Variants in XG observed in about 807,000 individuals in gnomAD.
The protein encoded by XG is glycoprotein Xg.
In XG, 24 loss-of-function variants were observed where a neutral mutation model predicts 25.7. The observed-to-expected ratio is 0.93, with a 90% CI of 0.68 to 1.31. The LOEUF (loss-of-function observed/expected upper bound fraction) is 1.31, where lower values mean the gene tolerates loss of function less well. Ranked by LOEUF, XG falls within the 40% of genes most tolerant of loss-of-function variation. The probability of loss-of-function intolerance (pLI) is 0.00; values close to 1 mark genes in which losing one functional copy is unlikely to be tolerated. For missense variants in XG, 181 were observed against 187.6 expected (o/e 0.96, Z 0.21); for synonymous variants, 77 against 69.2 (o/e 1.11, Z -0.56).
chrX:2,780,798 GGA>G (rs2051103869), intron 3 of XG, among the ~76,000 whole-genome samples: 1 of 152,120 alleles, frequency 6.6e-6, no homozygotes, highest in Non-Finnish European at 1.5e-5. Flanking sequence ...CTGGAAGCAG[GGA>G]GAGGGTTTTC....
intron 3 of XG, among the ~76,000 whole-genome samples, chrX:2,778,388 TAAAA>T (rs774706484): frequency 1.3e-5 from 2 of 151,500 alleles, no homozygotes; most frequent in Non-Finnish European, 2.9e-5. Context: ...ACAAAAAAAT[TAAAA>T]AAAATTAGTG....
At chrX:2,758,125 C>T (rs930420450) in intron 1 of XG, among the ~76,000 whole-genome samples, 1 of 151,978 alleles carries the variant, frequency 6.6e-6, no homozygotes, top group Non-Finnish European at 1.5e-5. Context: ...ATTCTGGTGC[C>T]CCCTCTCTCC....
intron 5 of XG, among the ~76,000 whole-genome samples, chrX:2,791,015 C>T (rs199617937): frequency 9.1e-6 from 1 of 110,291 alleles, no homozygotes; most frequent in Non-Finnish European, 1.9e-5. Flanking sequence ...ACCATGCACA[C>T]TAAGACATTT....
chrX:2,783,353 GA>G (rs2086750926), intron 4 of XG, among the ~76,000 whole-genome samples: 2 of 74,158 alleles, frequency 2.7e-5, no homozygotes, highest in South Asian at 2.5e-3. Context: ...GAAGAGTGGG[GA>G]GGGGGGTGGG....
chrX:2,769,480 C>G (rs887425680), intron 1 of XG, among the ~76,000 whole-genome samples: 21 of 152,222 alleles, frequency 1.4e-4, no homozygotes, highest in African/African-American at 4.8e-4. Flanking sequence ...AGATGAGACT[C>G]TTGGGTGCCT....
intron 1 of XG, among the ~76,000 whole-genome samples, chrX:2,766,227 A>G (rs1035210521): frequency 1.3e-5 from 2 of 151,734 alleles, no homozygotes; most frequent in African/African-American, 2.4e-5. Context: ...TGCAATCTCC[A>G]CCTCCCAGGT....
At chrX:2,809,445 T>C (rs1341977122) in intron 9 of XG, among the ~76,000 whole-genome samples, 3 of 111,793 alleles carry the variant, frequency 2.7e-5, no homozygotes, top group Non-Finnish European at 5.6e-5. Flanking sequence ...ACAGGCTGAA[T>C]TAAAGCCTGG....
At chrX:2,792,307 A>G (rs933591153) in intron 5 of XG, among the ~76,000 whole-genome samples, 1 of 110,663 alleles carries the variant, frequency 9.0e-6, no homozygotes, top group African/African-American at 3.3e-5. Context: ...CAGTAAAAAT[A>G]AAAAAGCTGT....
intron 2 of XG, among the ~76,000 whole-genome samples, chrX:2,773,825 A>C (rs111249408): frequency 7.2e-6 from 1 of 138,568 alleles, no homozygotes; most frequent in African/African-American, 2.7e-5. Flanking sequence ...GAAGGAGAGA[A>C]GGAAGGAAGG....
chrX:2,762,144 C>T (rs28711834), intron 1 of XG, among the ~76,000 whole-genome samples: 26,709 of 152,074 alleles, frequency 0.18, 2,932 homozygotes, highest in African/African-American at 0.32. Context: ...GCATGGTCTG[C>T]GGTATTTTCC....
rs1386673042 is a variant in XG at position 2,815,286 on chromosome X, T to G, written c.*906T>G. The G allele has an allele frequency of 8.9e-6, 1 of 112,064 alleles. No individual in the cohort carries two copies. Among genetic ancestry groups the G allele is most frequent in the African/African-American group, 3.2e-5 (1 of 30,837 alleles). 9.2% of individuals were successfully genotyped at this position (112,064 alleles called of 1,213,427 possible). A position where few individuals can be genotyped will look rare whatever the true frequency, so the allele number is the denominator to read the frequency against. Reference sequence around the variant, plus strand: ...GTATACTAGCTTTTTGCTTCTCTTTTAGAAATACTTGTGGGGAGAGAAAAA... The same window carrying G: ...GTATACTAGCTTTTTGCTTCTCTTTGAGAAATACTTGTGGGGAGAGAAAAA... On this transcript the variant is annotated 3_prime_UTR_variant, in exon 11 of 11. Coordinates refer to ENST00000644266, the MANE Select transcript of XG (RefSeq NM_001141919.2).
intron 10 of XG, 22 bp downstream of exon 10, chrX:2,811,474 G>C (rs1384498132): frequency 9.2e-7 from 1 of 1,091,406 alleles, no homozygotes; most frequent in Non-Finnish European, 1.2e-6. Context: ...TCTAAACATT[G>C]TTTTGCTTGT....
chrX:2,760,243 A>T (rs755089193), intron 1 of XG, among the ~76,000 whole-genome samples: 3 of 152,130 alleles, frequency 2.0e-5, no homozygotes, highest in African/African-American at 7.2e-5. Flanking sequence ...TGTTGCTGAG[A>T]TGAAACTGTC....
intron 7 of XG, among the ~76,000 whole-genome samples, chrX:2,805,015 G>A (rs113311886): frequency 8.2e-4 from 92 of 112,495 alleles, no homozygotes; most frequent in South Asian, 4.8e-3. Flanking sequence ...CTCCAGCCCC[G>A]GCAGAGCGAG....
intron 5 of XG, among the ~76,000 whole-genome samples, chrX:2,793,150 C>T (rs1164818370): frequency 8.1e-5 from 9 of 111,026 alleles, no homozygotes; most frequent in South Asian, 3.8e-4. Flanking sequence ...GCAATCCTCC[C>T]GCCTCCACCT....
At chrX:2,766,703 T>C (rs1425477790) in intron 1 of XG, among the ~76,000 whole-genome samples, 2 of 151,072 alleles carry the variant, frequency 1.3e-5, no homozygotes, top group African/African-American at 4.9e-5. Flanking sequence ...TAGCTGGGAC[T>C]ACAGGCGCCC....
chrX:2,766,173 A>G (rs1054712865), intron 1 of XG, among the ~76,000 whole-genome samples: 1 of 151,602 alleles, frequency 6.6e-6, no homozygotes, highest in Non-Finnish European at 1.5e-5. Context: ...ACGGAGTCTC[A>G]CTCTGTTGCC....
At chrX:2,813,720 T>C (rs67572261) in intron 10 of XG, among the ~76,000 whole-genome samples, 20,174 of 111,633 alleles carry the variant, frequency 0.18, 1,525 homozygotes, top group Admixed American at 0.37. Context: ...ACTTTGCTTT[T>C]ATTTTATAAA....
At chrX:2,781,064 C>T (rs1020369016) in intron 3 of XG, among the ~76,000 whole-genome samples, 6 of 151,770 alleles carry the variant, frequency 4.0e-5, no homozygotes, top group African/African-American at 1.2e-4. Flanking sequence ...GTGGAAGTGT[C>T]GCAGGCCAGG....
Sources: allele counts gnomAD v4.1 joint callset (sites outside exome capture counted in the v4.1 genomes callset), GRCh38; gene constraint gnomAD v4.1.1; transcripts MANE v1.5; gene names NCBI Gene and HGNC (gene_info 2026-07-23, HGNC 2026-07-21).